PRR5L: variants seen among roughly 807,000 people sequenced by gnomAD.
PRR5L encodes the protein proline-rich protein 5-like.
A neutral mutation model predicts 36.4 loss-of-function variants in PRR5L; 21 were observed. The observed-to-expected ratio is 0.58, with a 90% CI of 0.41 to 0.83. PRR5L has a LOEUF of 0.83. Ranked by LOEUF, PRR5L falls within the 40% of genes least tolerant of loss-of-function variation. The pLI, the probability that PRR5L is intolerant of heterozygous loss-of-function variation, is 0.00. For synonymous variants in PRR5L, 188 were observed against 197.0 expected, an observed-to-expected ratio of 0.95 and a Z score of 0.38; for missense variants, 381 against 473.3, an observed-to-expected ratio of 0.80 and a Z score of 1.81.
At chr11:36,328,044 T>C (rs1245138813) in intron 1 of PRR5L, among the ~76,000 whole-genome samples, 1 of 152,196 alleles carries the variant, frequency 6.6e-6, no homozygotes, top group Non-Finnish European at 1.5e-5. Context: ...TCTCTTGAAA[T>C]ATGTTACAGA....
intron 1 of PRR5L, among the ~76,000 whole-genome samples, chr11:36,393,532 C>A (rs1046413170): frequency 1.3e-5 from 2 of 152,164 alleles, no homozygotes; most frequent in South Asian, 4.1e-4. Flanking sequence ...CTCCACTAAT[C>A]TGTGTGTCTG....
At chr11:36,368,417 G>A (rs1394246014) in intron 1 of PRR5L, among the ~76,000 whole-genome samples, 2 of 152,200 alleles carry the variant, frequency 1.3e-5, no homozygotes, top group Non-Finnish European at 2.9e-5. Context: ...GAGTGTGGGA[G>A]AGAAAATACC....
At chr11:36,420,019 A>G (rs1193489211) in intron 4 of PRR5L, among the ~76,000 whole-genome samples, 1 of 152,226 alleles carries the variant, frequency 6.6e-6, no homozygotes, top group Admixed American at 6.5e-5. Flanking sequence ...AGTGAGTTTA[A>G]GGTTCCAGGA....
At chr11:36,444,791 T>C (rs1408810200) in intron 6 of PRR5L, among the ~76,000 whole-genome samples, 2 of 152,208 alleles carry the variant, frequency 1.3e-5, no homozygotes, top group Non-Finnish European at 2.9e-5. Flanking sequence ...ATTGTTCACT[T>C]CCCTGGAAGG....
chr11:36,376,176 C>G (rs908952454), intron 1 of PRR5L: 20 of 1,304,484 alleles, frequency 1.5e-5, no homozygotes, highest in African/African-American at 4.6e-5. Flanking sequence ...CAGGGCCCCC[C>G]TCTCCGCTCT....
intron 3 of PRR5L, among the ~76,000 whole-genome samples, chr11:36,413,077 G>A (rs1030584239): frequency 6.6e-6 from 1 of 152,098 alleles, no homozygotes; most frequent in Non-Finnish European, 1.5e-5. Context: ...CAAGAATAGA[G>A]GTTTTTTTCA....
chr11:36,352,783 AC>A lies in PRR5L; in HGVS notation c.-125-48211del, dbSNP rs528727550. On this transcript the variant is annotated intron_variant, in intron 1 of 8. Coordinates refer to ENST00000530639, the MANE Select transcript of PRR5L (RefSeq NM_001160167.2). ...AGGATACCAGTTTTATGAAGAACAAACCCTGATACCAGTGTTCTCAACCTCA... is the reference window on the plus strand; with the variant it reads ...AGGATACCAGTTTTATGAAGAACAAACCTGATACCAGTGTTCTCAACCTCA... 1.4e-3 allele frequency among the ~76,000 whole-genome samples: 208 copies of A among 152,222 alleles called. 2 individuals carry two copies. The highest frequency in any genetic ancestry group is 4.6e-3 in the African/African-American group (192 of 41,524).
intron 7 of PRR5L, among the ~76,000 whole-genome samples, chr11:36,447,012 C>T (rs977034866): frequency 2.6e-5 from 4 of 152,182 alleles, no homozygotes; most frequent in African/African-American, 7.2e-5. Context: ...TGTACCTGAT[C>T]GAATGTGACA....
chr11:36,445,083 G>A (rs1392992762), intron 6 of PRR5L, among the ~76,000 whole-genome samples: 1 of 152,186 alleles, frequency 6.6e-6, no homozygotes, highest in Non-Finnish European at 1.5e-5. Context: ...TGAAATGTAT[G>A]GGTGGTGATT....
At chr11:36,317,321 A>C (rs1381879852) in intron 1 of PRR5L, among the ~76,000 whole-genome samples, 1 of 152,220 alleles carries the variant, frequency 6.6e-6, no homozygotes, top group East Asian at 1.9e-4. Flanking sequence ...ATCTTGGGCA[A>C]GTTATTCTGC....
At chr11:36,419,183 T>G in intron 3 of PRR5L, 72 bp from the exon 4 acceptor site, 12 of 1,438,638 alleles carry the variant, frequency 8.3e-6, no homozygotes, top group Middle Eastern at 1.9e-4. Flanking sequence ...GTGCCACTGG[T>G]GAGCACATTG....
chr11:36,462,348 G>T lies in PRR5L; in HGVS notation c.719G>T (p.Arg240Leu). 6.7e-7 allele frequency: 1 copy of T among 1,485,624 alleles called. No individual in the cohort carries two copies. The allele number at this position is 1,485,624 out of a possible 1,614,324, so 92.0% of individuals were successfully genotyped here. A position where few individuals can be genotyped will look rare whatever the true frequency, so the allele number is the denominator to read the frequency against. Residue 240 changes from arginine (R) to leucine (L), a missense_variant, in exon 9 of 9, where the codon CGG becomes CTG. Coordinates refer to ENST00000530639, the MANE Select transcript of PRR5L (RefSeq NM_001160167.2). ...FSGPTYTLAR[R>L]HSRVRPKVTV... ...GCTGATTTTTCTCTTGCAGCCAGGCGGCACTCCAGGGTCCGGCCCAAGGTG... is the reference window on the plus strand; with the variant it reads ...GCTGATTTTTCTCTTGCAGCCAGGCTGCACTCCAGGGTCCGGCCCAAGGTG...
intron 1 of PRR5L, among the ~76,000 whole-genome samples, chr11:36,333,041 A>T (rs946939270): frequency 2.6e-5 from 4 of 152,204 alleles, no homozygotes; most frequent in East Asian, 3.8e-4. Flanking sequence ...GAACTACAGG[A>T]GTCTCCTAAC....
At chr11:36,363,769 A>G (rs1051480543) in intron 1 of PRR5L, among the ~76,000 whole-genome samples, 26 of 152,336 alleles carry the variant, frequency 1.7e-4, no homozygotes, top group African/African-American at 6.3e-4. Context: ...CAGCTGGGCC[A>G]GAGGAAAATG....
intron 1 of PRR5L, among the ~76,000 whole-genome samples, chr11:36,368,545 A>G (rs1303138625): frequency 3.3e-5 from 5 of 152,212 alleles, no homozygotes; most frequent in African/African-American, 1.2e-4. Context: ...AGAGATCCAC[A>G]GCTCAAAACT....
At chr11:36,417,158 C>A (rs1858162400) in intron 3 of PRR5L, among the ~76,000 whole-genome samples, 1 of 152,200 alleles carries the variant, frequency 6.6e-6, no homozygotes, top group Admixed American at 6.5e-5. Context: ...CCCTCAGCAT[C>A]ATGAGTACCC....
At chr11:36,454,450 G>A (rs1246050780) in intron 8 of PRR5L, among the ~76,000 whole-genome samples, 2 of 152,184 alleles carry the variant, frequency 1.3e-5, no homozygotes, top group Non-Finnish European at 2.9e-5. Context: ...GCTGGCTGAA[G>A]TAAAAACTAA....
At chr11:36,459,519 C>T (rs1859134468) in intron 8 of PRR5L, among the ~76,000 whole-genome samples, 1 of 152,156 alleles carries the variant, frequency 6.6e-6, no homozygotes, top group Admixed American at 6.5e-5. Flanking sequence ...GGGGCTTACC[C>T]GGTTTTTGGA....
At chr11:36,429,609 A>T (rs1858451687) in intron 4 of PRR5L, among the ~76,000 whole-genome samples, 3 of 152,230 alleles carry the variant, frequency 2.0e-5, no homozygotes, top group Non-Finnish European at 4.4e-5. Flanking sequence ...CAGAAATGTG[A>T]AATTAGGGAG....
Sources: allele counts gnomAD v4.1 joint callset (sites outside exome capture counted in the v4.1 genomes callset), GRCh38; gene constraint gnomAD v4.1.1; transcripts MANE v1.5; gene names NCBI Gene and HGNC (gene_info 2026-07-23, HGNC 2026-07-21).